Variants in FRMD5 observed in about 807,000 individuals in gnomAD.
The protein encoded by FRMD5 is FERM domain containing 5.
FRMD5 carries 20 observed loss-of-function variants against 69.0 expected under a neutral mutation model. The ratio of observed to expected loss-of-function variants is 0.29; its 90% CI spans 0.20 to 0.42. The LOEUF (loss-of-function observed/expected upper bound fraction) is 0.42, where lower values mean the gene tolerates loss of function less well. Ranked by LOEUF, FRMD5 falls within the 10% of genes least tolerant of loss-of-function variation. FRMD5 has a pLI of 1.00. For synonymous variants in FRMD5, 271 were observed against 260.1 expected (o/e 1.04, Z -0.40); for missense variants, 595 against 708.6 (o/e 0.84, Z 1.82).
intron 4 of FRMD5, among the ~76,000 whole-genome samples, chr15:43,910,626 A>C (rs566455627): frequency 8.6e-5 from 13 of 151,448 alleles, no homozygotes; most frequent in South Asian, 2.1e-4. Context: ...CTGGTGAAAG[A>C]AGCACACAAA....
At chr15:43,935,877 T>C (rs905387890) in intron 1 of FRMD5, among the ~76,000 whole-genome samples, 3 of 152,126 alleles carry the variant, frequency 2.0e-5, no homozygotes, top group African/African-American at 7.2e-5. Flanking sequence ...GGAAAACCAT[T>C]GGGAAAAACA....
At chr15:43,916,515 G>C (rs1019346826) in intron 4 of FRMD5, among the ~76,000 whole-genome samples, 8 of 152,202 alleles carry the variant, frequency 5.3e-5, no homozygotes, top group Non-Finnish European at 1.2e-4. Context: ...CTCACTGTGG[G>C]TGTATTAAGA....
At chr15:44,094,783 G>A (rs1179879030) in intron 1 of FRMD5, among the ~76,000 whole-genome samples, 2 of 152,052 alleles carry the variant, frequency 1.3e-5, no homozygotes, top group African/African-American at 2.4e-5. Flanking sequence ...GGGAGATAAA[G>A]GGGCAATTAG....
At chr15:44,031,936 CA>C in intron 1 of FRMD5, among the ~76,000 whole-genome samples, 1 of 152,112 alleles carries the variant, frequency 6.6e-6, no homozygotes, top group South Asian at 2.1e-4. Flanking sequence ...AAAATTCAAG[CA>C]GGGTAGAAAA....
At position 43,913,366 on chromosome 15, in the gene FRMD5, G is replaced by T. The variant is rs148048766; in HGVS notation, c.330-3387C>A. ...CTAAAGAAACAAACCATAGTTGAGGGCAAGAGGAGATGAGCTCATGAAAGA... is the reference window on the plus strand; with the variant it reads ...CTAAAGAAACAAACCATAGTTGAGGTCAAGAGGAGATGAGCTCATGAAAGA... On this transcript the variant is annotated intron_variant, in intron 4 of 13. Transcript: ENST00000417257. Among the ~76,000 whole-genome samples, 30 of 152,370 alleles carry T rather than the reference G, an allele frequency of 2.0e-4. No individual in the cohort carries two copies. The East Asian group carries it at 5.6e-3, about 28-fold the overall frequency.
intron 1 of FRMD5, among the ~76,000 whole-genome samples, chr15:44,027,650 T>G (rs757480892): frequency 0.012 from 386 of 32,292 alleles, 2 homozygotes; most frequent in Non-Finnish European, 0.034. Context: ...TTTTTTTTTT[T>G]GTTTTTTTTT....
intron 1 of FRMD5, among the ~76,000 whole-genome samples, chr15:44,153,742 G>A (rs980188683): frequency 6.6e-6 from 1 of 152,200 alleles, no homozygotes; most frequent in African/African-American, 2.4e-5. Context: ...GCCCAGGCGG[G>A]TGAATCACCT....
intron 1 of FRMD5, among the ~76,000 whole-genome samples, chr15:43,971,613 G>A (rs2140578554): frequency 6.7e-6 from 1 of 149,350 alleles, no homozygotes; most frequent in African/African-American, 2.5e-5. Context: ...GAACCCAGGA[G>A]GTGGAGGTTG....
At position 43,873,320 on chromosome 15, in the gene FRMD5, T is replaced by C. The variant is rs2088215028; in HGVS notation, c.*565A>G. On this transcript the variant is annotated 3_prime_UTR_variant, in exon 14 of 14. Coordinates refer to ENST00000417257, the MANE Select transcript of FRMD5 (RefSeq NM_032892.5). ...AATCATTCTACATGGATGTTTACTT[T>C]TTTAAAAGTTCTGGCTGGCAAAAAA... The C allele has an allele frequency of 3.3e-6, 5 of 1,504,296 alleles. No homozygotes were observed. In the African/African-American group the frequency reaches 5.7e-5, roughly 17 times the overall value. The allele number at this position is 1,504,296 out of a possible 1,614,324, so 93.2% of individuals were successfully genotyped here. A position where few individuals can be genotyped will look rare whatever the true frequency, so the allele number is the denominator to read the frequency against.
chr15:43,878,937 T>C (rs534619736), intron 13 of FRMD5, among the ~76,000 whole-genome samples: 97 of 142,374 alleles, frequency 6.8e-4, no homozygotes, highest in African/African-American at 1.1e-3. Context: ...CTTTTCTTTT[T>C]TTTTTTTTTT....
chr15:43,995,359 C>A (rs1437336483), intron 1 of FRMD5, among the ~76,000 whole-genome samples: 1 of 152,170 alleles, frequency 6.6e-6, no homozygotes, highest in Non-Finnish European at 1.5e-5. Flanking sequence ...TGGATGAAGA[C>A]CCTGCAGCTA....
chr15:43,995,897 G>A lies in FRMD5; in HGVS notation c.103-71588C>T, dbSNP rs1889897511. The stretch of plus-strand genomic sequence containing the variant: ...TGTCCATGGGTTCCAGCCCAGTGCT[G>A]GGGTCTACTGGGATGAGCCTGGACC... On this transcript the variant is annotated intron_variant, in intron 1 of 13. Transcript: ENST00000417257. Among the ~76,000 whole-genome samples the A allele has an allele frequency of 2.0e-5, 3 of 152,112 alleles. No individual in the cohort carries two copies. In the South Asian group the frequency reaches 6.2e-4, roughly 32 times the overall value.
At chr15:43,893,057 T>C (rs1408168693) in intron 7 of FRMD5, among the ~76,000 whole-genome samples, 5 of 151,504 alleles carry the variant, frequency 3.3e-5, no homozygotes, top group Non-Finnish European at 1.5e-5. Flanking sequence ...TGAGCCAAGA[T>C]TGTACCACCA....
chr15:44,070,475 G>C (rs1016240759), intron 1 of FRMD5, among the ~76,000 whole-genome samples: 1 of 152,136 alleles, frequency 6.6e-6, no homozygotes, highest in African/African-American at 2.4e-5. Context: ...ATGTGAATTA[G>C]AGATCTGCAG....
chr15:44,075,095 G>A (rs1893702870), intron 1 of FRMD5, among the ~76,000 whole-genome samples: 1 of 152,118 alleles, frequency 6.6e-6, no homozygotes, highest in African/African-American at 2.4e-5. Flanking sequence ...GCTCTGAATA[G>A]TATAAAATAG....
intron 1 of FRMD5, among the ~76,000 whole-genome samples, chr15:44,005,137 G>A (rs928590122): frequency 6.6e-6 from 1 of 152,170 alleles, no homozygotes; most frequent in Non-Finnish European, 1.5e-5. Context: ...TGGTTCATGA[G>A]GTTTAAGGAA....
At chr15:43,966,951 T>A (rs1053776231) in intron 1 of FRMD5, among the ~76,000 whole-genome samples, 3 of 151,934 alleles carry the variant, frequency 2.0e-5, no homozygotes, top group Non-Finnish European at 4.4e-5. Context: ...TATAGGAGCA[T>A]CCCAGAAACA....
chr15:44,001,325 G>A (rs1308433602), intron 1 of FRMD5, among the ~76,000 whole-genome samples: 1 of 152,020 alleles, frequency 6.6e-6, no homozygotes, highest in Non-Finnish European at 1.5e-5. Context: ...ATAGACATAT[G>A]GACTATAAAT....
chr15:43,879,338 C>T lies in FRMD5; in HGVS notation c.1135+4365G>A, dbSNP rs188526454. ...AGATCTCACCTGTAAGGTGACCCTC[C>T]CACATCAGGTTAGTCCTATATTAGA... On this transcript the variant is annotated intron_variant, in intron 13 of 13. Transcript: ENST00000417257. 9.8e-4 allele frequency among the ~76,000 whole-genome samples: 149 copies of T among 152,306 alleles called. 3 individuals carry two copies. The highest frequency in any genetic ancestry group is 3.4e-4 in the Non-Finnish European group (23 of 68,026).
Sources: gnomAD v4.1 joint callset for allele counts (sites outside exome capture counted in the v4.1 genomes callset) on GRCh38, gnomAD v4.1.1 for gene constraint, MANE v1.5 for transcripts, NCBI Gene and HGNC (gene_info 2026-07-23, HGNC 2026-07-21) for gene names.